The following MTSS1 variants were observed in gnomAD, a reference collection of about 807,000 sequenced individuals.
The protein encoded by MTSS1 is protein MTSS 1.
Under a neutral mutation model 79.0 loss-of-function variants are expected in MTSS1, and 18 were observed. That is an observed-to-expected ratio of 0.23 (90% CI 0.16 to 0.34). The LOEUF (loss-of-function observed/expected upper bound fraction) is 0.34, where lower values mean the gene tolerates loss of function less well. MTSS1 is among the 10% of genes least tolerant of loss of function. The pLI is 1.00. For missense variants in MTSS1, 815 were observed against 986.2 expected (o/e 0.83, Z 2.33); for synonymous variants, 341 against 368.6 (o/e 0.93, Z 0.86).
chr8:124,647,174 C>A (rs909452416), intron 3 of MTSS1, among the ~76,000 whole-genome samples: 13 of 152,178 alleles, frequency 8.5e-5, no homozygotes, highest in African/African-American at 3.1e-4. Flanking sequence ...AAGGAATTTA[C>A]CTACATTTTC....
Position 124,628,490 on chromosome 8 carries a change from C to G in MTSS1, c.209-37255G>C, listed in dbSNP as rs143515913. ...CAGGAAAGCTCTGTCTTCTGCTCCC[C>G]ACGGCTCAGCTGTGGAACCTGGAGC... On this transcript the variant is annotated intron_variant, in intron 3 of 13. Transcript: ENST00000518547. Among the ~76,000 whole-genome samples, 534 of 152,212 alleles carry G rather than the reference C, an allele frequency of 3.5e-3. 3 individuals are homozygous for G. Among genetic ancestry groups the G allele is most frequent in the African/African-American group, 0.011 (468 of 41,534 alleles).
chr8:124,661,784 G>C (rs1218649355), intron 3 of MTSS1, among the ~76,000 whole-genome samples: 1 of 152,180 alleles, frequency 6.6e-6, no homozygotes, highest in African/African-American at 2.4e-5. Flanking sequence ...CACCATAGCT[G>C]CGACAGCCTG....
Position 124,727,479 on chromosome 8 carries a change from C to T in MTSS1, c.72+405G>A. On this transcript the variant is annotated intron_variant, in intron 1 of 13. Coordinates refer to ENST00000518547, the MANE Select transcript of MTSS1 (RefSeq NM_014751.6). This position sits in a 1 kb window ranked among gnomAD's most constrained non-coding sequence, Gnocchi z 4.7. Reference sequence around the variant, plus strand: ...AGAGCCCCCACTTCCTCCCCACCACCGCGCCAGGCGCCCCCACCCCGTGCC... The same window carrying T: ...AGAGCCCCCACTTCCTCCCCACCACTGCGCCAGGCGCCCCCACCCCGTGCC... 1 of 448,868 alleles carries T rather than the reference C, an allele frequency of 2.2e-6. No individual in the cohort carries two copies. Among genetic ancestry groups the T allele is most frequent in the Admixed American group, 2.4e-5 (1 of 41,312 alleles). The allele number at this position is 448,868 out of a possible 1,614,324, so 27.8% of individuals were successfully genotyped here. A position where few individuals can be genotyped will look rare whatever the true frequency, so the allele number is the denominator to read the frequency against.
At chr8:124,657,757 A>T (rs1028830676) in intron 3 of MTSS1, among the ~76,000 whole-genome samples, 3 of 152,202 alleles carry the variant, frequency 2.0e-5, no homozygotes, top group African/African-American at 7.2e-5. Flanking sequence ...TACAAAAAGC[A>T]TGAGGCTCTC....
chr8:124,581,604 C>T (rs1022420626), intron 6 of MTSS1, among the ~76,000 whole-genome samples: 3 of 151,686 alleles, frequency 2.0e-5, no homozygotes, highest in East Asian at 2.0e-4. Flanking sequence ...TACAGGCGCC[C>T]GCCACCACGC....
chr8:124,702,311 G>A (rs1479063571), intron 2 of MTSS1, among the ~76,000 whole-genome samples: 1 of 152,220 alleles, frequency 6.6e-6, no homozygotes, highest in Non-Finnish European at 1.5e-5. Flanking sequence ...ACATGGAGGT[G>A]GGAGTAGATA....
rs577300996 is a variant in MTSS1 at position 124,675,001 on chromosome 8, C to T, written c.208+24525G>A. 8.1e-4 allele frequency among the ~76,000 whole-genome samples: 124 copies of T among 152,328 alleles called. 2 individuals carry two copies. Among genetic ancestry groups the T allele is most frequent in the Middle Eastern group, 6.8e-3 (2 of 294 alleles). On this transcript the variant is annotated intron_variant, in intron 3 of 13. Transcript: ENST00000518547. ...CCTCCCAAAATGCTGGGATTACAGG[C>T]ATGAGCCACCATGTCCGGCCCTCTT... is the stretch of plus-strand genomic sequence containing the variant.
At chr8:124,636,286 T>C (rs548080388) in intron 3 of MTSS1, among the ~76,000 whole-genome samples, 9 of 152,178 alleles carry the variant, frequency 5.9e-5, no homozygotes, top group Non-Finnish European at 1.0e-4. Flanking sequence ...TGTGCCACCA[T>C]GCTCAGCTAA....
chr8:124,611,107 C>T, intron 3 of MTSS1, among the ~76,000 whole-genome samples: 1 of 59,254 alleles, frequency 1.7e-5, no homozygotes, highest in Non-Finnish European at 2.9e-5. Flanking sequence ...ACCAGACAGA[C>T]CCCCCCCCCC....
intron 3 of MTSS1, among the ~76,000 whole-genome samples, chr8:124,634,327 T>C (rs1406499266): frequency 1.3e-5 from 2 of 151,864 alleles, no homozygotes. Flanking sequence ...AGTTTTTTTT[T>C]GTAGAAATGA....
chr8:124,620,823 T>C (rs1813355127), intron 3 of MTSS1, among the ~76,000 whole-genome samples: 1 of 152,134 alleles, frequency 6.6e-6, no homozygotes, highest in Non-Finnish European at 1.5e-5. Context: ...AAAAATTAAA[T>C]TAAAAAGAAG....
intron 3 of MTSS1, among the ~76,000 whole-genome samples, chr8:124,684,528 T>C (rs1826640271): frequency 6.6e-6 from 1 of 152,224 alleles, no homozygotes. Context: ...GGGTAGATTT[T>C]CCTTCTCCCT....
At chr8:124,699,309 TTTC>T in intron 3 of MTSS1, 1 of 538,252 alleles carries the variant, frequency 1.9e-6, no homozygotes, top group Non-Finnish European at 3.3e-6. Context: ...AGTGGTTCAT[TTTC>T]TTCCTTTTTC....
At chr8:124,563,127 G>A (rs1342119509) in intron 9 of MTSS1, 135 bp from the exon 10 acceptor site, 4 of 738,726 alleles carry the variant, frequency 5.4e-6, no homozygotes, top group African/African-American at 3.5e-5. Context: ...TTAGCTCTCT[G>A]CCCTGGAGAT....
At chr8:124,599,320 C>T (rs914435568) in intron 3 of MTSS1, among the ~76,000 whole-genome samples, 2 of 152,000 alleles carry the variant, frequency 1.3e-5, no homozygotes, top group African/African-American at 4.8e-5. Context: ...CCTGTCTCTA[C>T]TAAAAATACA....
chr8:124,709,846 C>T (rs908850941), intron 1 of MTSS1, among the ~76,000 whole-genome samples: 25 of 152,188 alleles, frequency 1.6e-4, no homozygotes, highest in Non-Finnish European at 2.5e-4. Flanking sequence ...TTGAAAACTC[C>T]TATTCAGCTG....
At chr8:124,661,199 T>C (rs1297256930) in intron 3 of MTSS1, among the ~76,000 whole-genome samples, 3 of 152,220 alleles carry the variant, frequency 2.0e-5, no homozygotes, top group African/African-American at 7.2e-5. Context: ...AGAAATAATA[T>C]TTATCGTCTT....
chr8:124,599,246 G>A (rs1284259465), intron 3 of MTSS1, among the ~76,000 whole-genome samples: 1 of 152,210 alleles, frequency 6.6e-6, no homozygotes, highest in Admixed American at 6.5e-5. Flanking sequence ...CACTTTGGGA[G>A]GCCGAGGCGG....
chr8:124,708,628 C>T (rs1830715487), intron 1 of MTSS1, among the ~76,000 whole-genome samples: 2 of 152,102 alleles, frequency 1.3e-5, no homozygotes, highest in Non-Finnish European at 2.9e-5. Context: ...GACGACTACT[C>T]AAACCACTGA....
Sources: gnomAD v4.1 joint callset for allele counts (sites outside exome capture counted in the v4.1 genomes callset) on GRCh38, gnomAD v4.1.1 for gene constraint, Gnocchi (gnomAD v3.1) non-coding constraint, MANE v1.5 for transcripts, NCBI Gene and HGNC (gene_info 2026-07-23, HGNC 2026-07-21) for gene names.